ELFN1: variants seen among roughly 807,000 people sequenced by gnomAD.
The protein encoded by ELFN1 is protein ELFN1.
In ELFN1, 6 loss-of-function variants were observed where a neutral mutation model predicts 7.6. The observed-to-expected ratio is 0.79, with a 90% CI of 0.43 to 1.56. The LOEUF is 1.56. Ranked by LOEUF, ELFN1 falls within the 40% of genes most tolerant of loss-of-function variation. The pLI is 0.01. For missense variants in ELFN1, 1,169 were observed against 1,232.2 expected, an observed-to-expected ratio of 0.95 and a Z score of 0.77; for synonymous variants, 657 against 588.1, an observed-to-expected ratio of 1.12 and a Z score of -1.70.
intron 3 of ELFN1, chr7:1,738,664 G>C (rs927745096): frequency 6.6e-6 from 1 of 151,970 alleles, no homozygotes; most frequent in Non-Finnish European, 1.5e-5. Flanking sequence ...GGGAGGAGTG[G>C]TCTTTACTCC....
intron 1 of ELFN1, among the ~76,000 whole-genome samples, chr7:1,675,830 G>C (rs1429422089): frequency 6.6e-6 from 1 of 152,218 alleles, no homozygotes; most frequent in Non-Finnish European, 1.5e-5. Flanking sequence ...AAGGTGTCCC[G>C]GAGATACCCA....
At chr7:1,671,729 G>A (rs1778771154) in intron 1 of ELFN1, among the ~76,000 whole-genome samples, 1 of 152,232 alleles carries the variant, frequency 6.6e-6, no homozygotes, top group Non-Finnish European at 1.5e-5. Context: ...TGCCCCCTGG[G>A]TCCCTGCCCC....
At chr7:1,688,257 G>C (rs754542986) in intron 2 of ELFN1, 107 bp downstream of exon 2, 2 of 152,046 alleles carry the variant, frequency 1.3e-5, no homozygotes, top group South Asian at 2.1e-4. Context: ...GATTACATAT[G>C]TTGAAAATAT....
At position 1,747,635 on chromosome 7, in the gene ELFN1, G is replaced by A. The variant is rs1780845731; in HGVS notation, c.*552G>A. ...TTCATTGCCGCCTCCGGAGTCCACT[G>A]CAGAGGGGCAGAGTGAATGCCGGCG... On this transcript the variant is annotated 3_prime_UTR_variant, in exon 4 of 4. Transcript: ENST00000424383. 6.1e-6 allele frequency: 1 copy of A among 165,126 alleles called. No homozygotes were observed. The highest frequency in any genetic ancestry group is 1.5e-5 in the Non-Finnish European group (1 of 68,134). 10.2% of individuals were successfully genotyped at this position (165,126 alleles called of 1,614,324 possible). A position where few individuals can be genotyped will look rare whatever the true frequency, so the allele number is the denominator to read the frequency against.
chr7:1,726,291 A>C (rs1223541276), intron 3 of ELFN1, among the ~76,000 whole-genome samples: 1 of 152,308 alleles, frequency 6.6e-6, no homozygotes, highest in East Asian at 1.9e-4. Flanking sequence ...CCCCAAGCCG[A>C]GAGCCGCAGC....
rs1031915293 is a variant in ELFN1, at chr7:1,741,858, CAG to C, written c.-293-2445_-293-2444del. Among the ~76,000 whole-genome samples the C allele has an allele frequency of 2.6e-5, 4 of 152,210 alleles. No homozygotes were observed. The South Asian group carries it at 6.2e-4, about 24-fold the overall frequency. ...AGAGCCCCAGGCCTCGCTGCCCAGA[CAG>C]GGGGTCCTCAGTGACACCTGCTCTG... On this transcript the variant is annotated intron_variant, in intron 3 of 3. Coordinates refer to ENST00000424383, the MANE Select transcript of ELFN1 (RefSeq NM_001128636.4).
At chr7:1,678,060 C>T (rs1386203272) in intron 1 of ELFN1, among the ~76,000 whole-genome samples, 13 of 152,170 alleles carry the variant, frequency 8.5e-5, no homozygotes, top group Non-Finnish European at 1.5e-5. Context: ...AGAAACAACT[C>T]ACCAGAAATC....
chr7:1,694,633 C>T (rs1228464577), intron 2 of ELFN1, among the ~76,000 whole-genome samples: 1 of 152,230 alleles, frequency 6.6e-6, no homozygotes, highest in Non-Finnish European at 1.5e-5. Flanking sequence ...TTGAAGGAGT[C>T]AGCTCCCCCA....
In ELFN1 at chr7:1,745,659, A is replaced by T. The variant is rs759290769; in HGVS notation, c.1063A>T (p.Thr355Ser). 2 of 1,551,330 alleles carry T rather than the reference A, an allele frequency of 1.3e-6. No individual in the cohort carries two copies. Among genetic ancestry groups the T allele is most frequent in the Non-Finnish European group, 8.7e-7 (1 of 1,147,006 alleles). ...GCATTTCAACAACAGCAAGGCCTCC[A>T]CCGTGTCCAGGCTGACCAAGGCCCA... The part of the protein sequence containing the change: ...LEHFNNSKAS[T>S]VSRLTKAQEE... Residue 355 changes from threonine to serine, a missense_variant, in exon 4 of 4, where the codon ACC (threonine) becomes TCC (serine). By Grantham distance (58) the Thr-to-Ser change is moderately conservative (BLOSUM62 1). This residue lies in a region of ELFN1 where 914 missense variants were observed against 872.6 expected (regional missense o/e 1.05). Transcript: ENST00000424383.
At chr7:1,697,513 G>A (rs1779344037) in intron 2 of ELFN1, among the ~76,000 whole-genome samples, 1 of 152,242 alleles carries the variant, frequency 6.6e-6, no homozygotes, top group Admixed American at 6.5e-5. Flanking sequence ...TGTATAGCAC[G>A]TGTTTAGGGT....
At chr7:1,696,076 G>T (rs1340224201) in intron 2 of ELFN1, among the ~76,000 whole-genome samples, 1 of 152,142 alleles carries the variant, frequency 6.6e-6, no homozygotes, top group Non-Finnish European at 1.5e-5. Flanking sequence ...TGGAAGTCTG[G>T]GATCGGGTGC....
At position 1,673,693 on chromosome 7, in the gene ELFN1, C is replaced by T. The variant is rs1030588420; in HGVS notation, c.-549+3339C>T. On this transcript the variant is annotated intron_variant, in intron 1 of 3. Coordinates refer to ENST00000424383, the MANE Select transcript of ELFN1 (RefSeq NM_001128636.4). This position sits in a 1 kb window ranked among gnomAD's most constrained non-coding sequence, Gnocchi z 4.7. ...AGGAGCCTGGCTGCCTTGGAGCTGGCATCCCCAGATGGAAAGACAATGGTC... is the reference window on the plus strand; with the variant it reads ...AGGAGCCTGGCTGCCTTGGAGCTGGTATCCCCAGATGGAAAGACAATGGTC... Among the ~76,000 whole-genome samples, 4 of 152,212 alleles carry T rather than the reference C, an allele frequency of 2.6e-5. No individual in the cohort carries two copies. The highest frequency in any genetic ancestry group is 4.8e-5 in the African/African-American group (2 of 41,444).
intron 2 of ELFN1, among the ~76,000 whole-genome samples, chr7:1,689,912 T>C (rs1222130438): frequency 6.6e-6 from 1 of 152,154 alleles, no homozygotes; most frequent in Non-Finnish European, 1.5e-5. Context: ...GCCAATGCAG[T>C]CACAGAATGG....
At chr7:1,725,971 A>C (rs912259573) in intron 3 of ELFN1, among the ~76,000 whole-genome samples, 1 of 151,436 alleles carries the variant, frequency 6.6e-6, no homozygotes, top group African/African-American at 2.4e-5. Flanking sequence ...ACAATACACA[A>C]AAATCACACA....
chr7:1,727,141 C>T (rs1780220098), intron 3 of ELFN1, among the ~76,000 whole-genome samples: 1 of 152,122 alleles, frequency 6.6e-6, no homozygotes, highest in African/African-American at 2.4e-5. Context: ...CCTGCCCACA[C>T]CCAAGCACTC....
intron 3 of ELFN1, among the ~76,000 whole-genome samples, chr7:1,733,626 C>G (rs10266558): frequency 1.4e-3 from 209 of 152,236 alleles, no homozygotes; most frequent in Non-Finnish European, 2.4e-3. Flanking sequence ...GCCCATCTTC[C>G]GTTGCTGAAA....
Position 1,746,255 on chromosome 7 carries a change from C to A in ELFN1, c.1659C>A (p.Ala553=). The change falls in exon 4 of 4, where the codon GCC becomes GCA. Residue 553 remains alanine (A), a synonymous_variant. Transcript: ENST00000424383. ...GCCCCGACAGCCAGAGTTCGGTGGC[C>A]GAGATCTCCACCATCGCCAAGGAGG... ...RPGPDSQSSV[A]EISTIAKEVD... is the part of the protein sequence containing the mutation. The A allele has an allele frequency of 6.3e-7, 1 of 1,591,446 alleles. No homozygotes were observed. Among genetic ancestry groups the A allele is most frequent in the Non-Finnish European group, 8.5e-7 (1 of 1,170,536 alleles).
chr7:1,704,617 A>T (rs766070214), intron 2 of ELFN1, among the ~76,000 whole-genome samples: 3 of 151,932 alleles, frequency 2.0e-5, no homozygotes, highest in Non-Finnish European at 4.4e-5. Context: ...CCTGAGTGTG[A>T]CCTGGGGTAC....
chr7:1,731,635 C>T (rs1023186504), intron 3 of ELFN1, among the ~76,000 whole-genome samples: 11 of 152,174 alleles, frequency 7.2e-5, no homozygotes, highest in South Asian at 4.1e-4. Context: ...ATGCCGATTT[C>T]GGATTGCCTT....
Sources: allele counts gnomAD v4.1 joint callset (sites outside exome capture counted in the v4.1 genomes callset), GRCh38; gene constraint gnomAD v4.1.1; regional missense constraint gnomAD v4.1.1; non-coding constraint Gnocchi (gnomAD v3.1); transcripts MANE v1.5; gene names NCBI Gene and HGNC (gene_info 2026-07-23, HGNC 2026-07-21).